The following FAM114A1 variants were observed in gnomAD, a reference collection of about 807,000 sequenced individuals.
FAM114A1 encodes the protein family with sequence similarity 114 member A1, also known as protein NOXP20.
A neutral mutation model predicts 64.3 loss-of-function variants in FAM114A1; 62 were observed. That is an observed-to-expected ratio of 0.96 (90% CI 0.79 to 1.19). FAM114A1 has a LOEUF of 1.19. Among genes scored for constraint, FAM114A1 ranks in the 50% most tolerant of loss-of-function variants. FAM114A1 has a pLI of 0.00. For missense variants in FAM114A1, 645 were observed against 676.3 expected, an observed-to-expected ratio of 0.95 and a Z score of 0.51; for synonymous variants, 254 against 251.1, an observed-to-expected ratio of 1.01 and a Z score of -0.11.
At chr4:38,928,623 AG>A (rs919270799) in intron 9 of FAM114A1, among the ~76,000 whole-genome samples, 1 of 152,230 alleles carries the variant, frequency 6.6e-6, no homozygotes, top group African/African-American at 2.4e-5. Context: ...AGTGAGCAGA[AG>A]AAATACTGTC....
intron 3 of FAM114A1, among the ~76,000 whole-genome samples, chr4:38,890,251 A>C (rs1194778841): frequency 1.3e-5 from 2 of 152,040 alleles, no homozygotes; most frequent in Non-Finnish European, 1.5e-5. Flanking sequence ...AAAATAGAAA[A>C]AATCAGCCAG....
In FAM114A1 at chr4:38,932,228, A is replaced by G. The variant is rs2109787877; in HGVS notation, c.1324-7A>G. ...AAAAATTTCTTGCTTGTGTCTATTC[A>G]TTTCAGGAAGTATACATGTCGTCCA... On this transcript the variant is annotated splice_polypyrimidine_tract_variant and splice_region_variant and intron_variant, in intron 11 of 14. Coordinates refer to ENST00000358869, the MANE Select transcript of FAM114A1 (RefSeq NM_138389.4). The G allele has an allele frequency of 6.3e-7, 1 of 1,587,318 alleles. No individual in the cohort carries two copies. Among genetic ancestry groups the G allele is most frequent in the Non-Finnish European group, 8.5e-7 (1 of 1,172,932 alleles).
chr4:38,869,711 CT>C (rs1713834264), intron 2 of FAM114A1, among the ~76,000 whole-genome samples: 1 of 151,228 alleles, frequency 6.6e-6, no homozygotes, highest in African/African-American at 2.4e-5. Flanking sequence ...CTGACTGGCA[CT>C]GTTTTTGTTT....
Position 38,878,071 on chromosome 4 carries a change from A to T in FAM114A1, c.-8A>T, listed in dbSNP as rs899899745. On this transcript the variant is annotated splice_region_variant and 5_prime_UTR_variant, in exon 3 of 15. Transcript: ENST00000358869. Reference sequence around the variant, plus strand: ...GAGGTGTTTATAATTGTGTTGACAGATACTAAAATGTCTGATGATGCTGGT... The same window carrying T: ...GAGGTGTTTATAATTGTGTTGACAGTTACTAAAATGTCTGATGATGCTGGT... The T allele has an allele frequency of 6.3e-7, 1 of 1,593,236 alleles. No individual in the cohort carries two copies. Among genetic ancestry groups the T allele is most frequent in the Non-Finnish European group, 8.6e-7 (1 of 1,167,400 alleles).
chr4:38,924,350 C>T (rs912073209), intron 9 of FAM114A1, among the ~76,000 whole-genome samples: 3 of 152,150 alleles, frequency 2.0e-5, no homozygotes, highest in Non-Finnish European at 2.9e-5. Flanking sequence ...TATTATTATG[C>T]TCGTTGTTAT....
chr4:38,897,430 C>T (rs1448404962), intron 4 of FAM114A1, among the ~76,000 whole-genome samples: 1 of 152,168 alleles, frequency 6.6e-6, no homozygotes, highest in Non-Finnish European at 1.5e-5. Context: ...TGCCTCAATA[C>T]TCTTTCACTC....
Position 38,929,257 on chromosome 4 carries a change from G to A in FAM114A1, c.1085G>A (p.Gly362Glu), listed in dbSNP as rs755638502. The change falls in exon 10 of 15, where the codon GGA (glycine) becomes GAA (glutamate). Residue 362 changes from glycine (G) to glutamate (E), a missense_variant. Transcript: ENST00000358869. Reference protein sequence around the residue: ...NQEEQGLEEKGEEFARMLTEL... With the variant: ...NQEEQGLEEKEEEFARMLTEL... ...CTATTTCTAGGCTTAGAAGAAAAGGGAGAAGAATTTGCTCGCATGCTTACA... is the reference window on the plus strand; with the variant it reads ...CTATTTCTAGGCTTAGAAGAAAAGGAAGAAGAATTTGCTCGCATGCTTACA... 6.2e-7 allele frequency: 1 copy of A among 1,613,386 alleles called. No individual in the cohort carries two copies. Among genetic ancestry groups the A allele is most frequent in the African/African-American group, 1.3e-5 (1 of 74,848 alleles).
chr4:38,891,810 C>T lies in FAM114A1; in HGVS notation c.416C>T (p.Ser139Leu), dbSNP rs572671558. The T allele has an allele frequency of 8.1e-6, 13 of 1,612,340 alleles. No individual in the cohort carries two copies. In the African/African-American group the frequency reaches 1.6e-4, roughly 20 times the overall value. Residue 139 changes from serine (S) to leucine (L), a missense_variant, in exon 4 of 15, where the codon TCG (serine) becomes TTG (leucine). Coordinates refer to ENST00000358869, the MANE Select transcript of FAM114A1 (RefSeq NM_138389.4). ...GWGSWGKSLL[S>L]SASATVGHGL... ...GGATCCTGGGGCAAATCTCTGCTGT[C>T]GTCAGCATCTGCCACAGTAGGTAAG... is the stretch of plus-strand genomic sequence containing the variant.
At position 38,878,257 on chromosome 4, in the gene FAM114A1, G is replaced by T; in HGVS notation, c.179G>T (p.Gly60Val). The T allele has an allele frequency of 6.2e-7, 1 of 1,614,196 alleles. No homozygotes were observed. The highest frequency in any genetic ancestry group is 1.1e-5 in the South Asian group (1 of 91,082). The stretch of plus-strand genomic sequence containing the variant: ...GGGCATGAAAATGCAGCTGTGCAGG[G>T]TGCAGGGGCTGCCGCCATTGGGCCC... ...GEGHENAAVQGAGAAAIGPPV... is the reference protein window; with the variant it reads ...GEGHENAAVQVAGAAAIGPPV... Residue 60 changes from glycine to valine, a missense_variant, in exon 3 of 15, where the codon GGT (glycine) becomes GTT (valine). Gly to Val is a moderately radical substitution (Grantham distance 109, BLOSUM62 -3). Transcript: ENST00000358869.
chr4:38,895,630 G>A (rs1330323908), intron 4 of FAM114A1, among the ~76,000 whole-genome samples: 1 of 152,142 alleles, frequency 6.6e-6, no homozygotes, highest in African/African-American at 2.4e-5. Flanking sequence ...GAATCTTGGG[G>A]CCGTCTCTCA....
intron 2 of FAM114A1, among the ~76,000 whole-genome samples, chr4:38,876,152 TA>T (rs1486179946): frequency 6.7e-6 from 1 of 149,674 alleles, no homozygotes; most frequent in Non-Finnish European, 1.5e-5. Flanking sequence ...AGGTATTTTC[TA>T]GACTTATTCT....
chr4:38,932,469 A>G (rs992965238), intron 12 of FAM114A1, 95 bp downstream of exon 12: 4 of 1,247,480 alleles, frequency 3.2e-6, no homozygotes, highest in Admixed American at 3.2e-5. Context: ...CTAAGCCACT[A>G]GAAGATTCAG....
chr4:38,886,466 C>T (rs979366334), intron 3 of FAM114A1, among the ~76,000 whole-genome samples: 4 of 151,466 alleles, frequency 2.6e-5, no homozygotes, highest in South Asian at 4.2e-4. Flanking sequence ...CTATGGTGCC[C>T]GGCCACTATA....
At chr4:38,934,988 C>T (rs1353763641) in intron 12 of FAM114A1, among the ~76,000 whole-genome samples, 1 of 151,734 alleles carries the variant, frequency 6.6e-6, no homozygotes, top group African/African-American at 2.4e-5. Flanking sequence ...GATCTCGGCT[C>T]ACTGCAACCT....
chr4:38,870,731 A>G (rs1326925574), intron 2 of FAM114A1, among the ~76,000 whole-genome samples: 1 of 152,188 alleles, frequency 6.6e-6, no homozygotes, highest in Non-Finnish European at 1.5e-5. Flanking sequence ...AGTCTGGCTT[A>G]TGGAACACCC....
At position 38,908,574 on chromosome 4, in the gene FAM114A1, C is replaced by G; in HGVS notation, c.658-18C>G. On this transcript the variant is annotated intron_variant, in intron 6 of 14. Transcript: ENST00000358869. ...CAAAACCTAAACATCTAATCTCATG[C>G]AGTTATCTCATCTGCAGGGTAAAAG... The G allele has an allele frequency of 6.3e-7, 1 of 1,589,870 alleles. No homozygotes were observed. Among genetic ancestry groups the G allele is most frequent in the South Asian group, 1.1e-5 (1 of 88,866 alleles).
intron 4 of FAM114A1, among the ~76,000 whole-genome samples, chr4:38,896,774 A>C (rs192161008): frequency 1.0e-3 from 153 of 152,344 alleles, no homozygotes; most frequent in Non-Finnish European, 1.8e-3. Flanking sequence ...TCAGGCAAAG[A>C]AACTTATTGG....
chr4:38,877,793 C>T (rs369051783), intron 2 of FAM114A1, among the ~76,000 whole-genome samples: 8 of 152,204 alleles, frequency 5.3e-5, no homozygotes, highest in Admixed American at 5.2e-4. Flanking sequence ...GGAAAAACCC[C>T]GTTTCTACTA....
At chr4:38,907,777 TG>T (rs1395649006) in intron 6 of FAM114A1, among the ~76,000 whole-genome samples, 49 of 152,092 alleles carry the variant, frequency 3.2e-4, no homozygotes, top group African/African-American at 9.7e-4. Flanking sequence ...TTATATATGG[TG>T]GGGAAAAACA....
Sources: gnomAD v4.1 joint callset for allele counts (sites outside exome capture counted in the v4.1 genomes callset) on GRCh38, gnomAD v4.1.1 for gene constraint, MANE v1.5 for transcripts, NCBI Gene and HGNC (gene_info 2026-07-23, HGNC 2026-07-21) for gene names.